The following GPC5 variants were observed in gnomAD, a reference collection of about 807,000 sequenced individuals.
The protein encoded by GPC5 is glypican-5.
A neutral mutation model predicts 53.9 loss-of-function variants in GPC5; 47 were observed. The observed-to-expected ratio is 0.87, with a 90% CI of 0.69 to 1.11. The LOEUF (loss-of-function observed/expected upper bound fraction) is 1.11, where lower values mean the gene tolerates loss of function less well. Among genes scored for constraint, GPC5 ranks in the 50% most tolerant of loss-of-function variants. The probability of loss-of-function intolerance (pLI) is 0.00; values close to 1 mark genes in which losing one functional copy is unlikely to be tolerated. For synonymous variants in GPC5, 286 were observed against 263.3 expected (o/e 1.09, Z -0.84); for missense variants, 748 against 713.1 (o/e 1.05, Z -0.56).
At chr13:91,771,800 A>G (rs1307836414) in intron 5 of GPC5, among the ~76,000 whole-genome samples, 1 of 152,240 alleles carries the variant, frequency 6.6e-6, no homozygotes, top group Non-Finnish European at 1.5e-5. Flanking sequence ...TTTACAAAAT[A>G]CAGAAAGATA....
chr13:91,545,732 C>A (rs2030247081), intron 2 of GPC5, among the ~76,000 whole-genome samples: 1 of 152,022 alleles, frequency 6.6e-6, no homozygotes. Flanking sequence ...TAGCAGCCAC[C>A]ATTCCACTGT....
chr13:92,168,385 A>G (rs1236556601), intron 7 of GPC5, among the ~76,000 whole-genome samples: 3 of 152,218 alleles, frequency 2.0e-5, no homozygotes, highest in African/African-American at 7.2e-5. Context: ...AGAAACTCTC[A>G]TCAGAGTGAA....
chr13:92,422,460 C>A (rs1441926847), intron 7 of GPC5, among the ~76,000 whole-genome samples: 1 of 148,924 alleles, frequency 6.7e-6, no homozygotes, highest in Non-Finnish European at 1.5e-5. Flanking sequence ...TTTATGAGAT[C>A]TTTCTGTAAG....
At chr13:91,811,346 T>A (rs1421749312) in intron 5 of GPC5, among the ~76,000 whole-genome samples, 1 of 152,080 alleles carries the variant, frequency 6.6e-6, no homozygotes, top group Non-Finnish European at 1.5e-5. Flanking sequence ...ATCTGTAAGG[T>A]GTTTCTCTAA....
intron 7 of GPC5, among the ~76,000 whole-genome samples, chr13:92,330,723 C>T (rs913363049): frequency 2.6e-5 from 4 of 152,142 alleles, no homozygotes; most frequent in East Asian, 1.9e-4. Context: ...CCAGACAGGA[C>T]GCTGAAGCTA....
chr13:92,595,404 C>T (rs912356470), intron 7 of GPC5, among the ~76,000 whole-genome samples: 7 of 152,098 alleles, frequency 4.6e-5, no homozygotes, highest in African/African-American at 7.2e-5. Flanking sequence ...ACAATGTTTG[C>T]AGTAAGAGTC....
At chr13:92,196,368 C>A (rs949355204) in intron 7 of GPC5, among the ~76,000 whole-genome samples, 10 of 151,998 alleles carry the variant, frequency 6.6e-5, no homozygotes, top group African/African-American at 2.4e-4. Context: ...ATAAAGATTT[C>A]TATGTACAAA....
intron 7 of GPC5, among the ~76,000 whole-genome samples, chr13:92,843,945 C>T (rs1475678319): frequency 1.3e-5 from 2 of 151,306 alleles, no homozygotes; most frequent in African/African-American, 4.9e-5. Flanking sequence ...TACCCAGCCA[C>T]CCTTTGCCCC....
chr13:92,751,048 AAT>A (rs1889374717), intron 7 of GPC5, among the ~76,000 whole-genome samples: 1 of 152,092 alleles, frequency 6.6e-6, no homozygotes, highest in South Asian at 2.1e-4. Context: ...TCTAGTGTAT[AAT>A]GAGGCACAAA....
At chr13:92,613,299 A>C (rs190766633) in intron 7 of GPC5, among the ~76,000 whole-genome samples, 1 of 114,724 alleles carries the variant, frequency 8.7e-6, no homozygotes, top group Non-Finnish European at 1.7e-5. Context: ...TATATATAAA[A>C]ATATATAATG....
intron 7 of GPC5, among the ~76,000 whole-genome samples, chr13:92,187,113 A>C (rs201929397): frequency 1.4e-5 from 1 of 69,774 alleles, no homozygotes; most frequent in African/African-American, 8.2e-5. Context: ...ACTCCATCTC[A>C]AAAAAAAAAA....
chr13:91,693,810 C>A lies in GPC5; in HGVS notation c.949C>A (p.Leu317Met). The change falls in exon 3 of 8, where the codon CTG becomes ATG. Residue 317 changes from leucine (L) to methionine (M), a missense_variant. Leu to Met is a conservative substitution (Grantham distance 15). Coordinates refer to ENST00000377067, the MANE Select transcript of GPC5 (RefSeq NM_004466.6). ...HGTYDIGHVL[L>M]NFHLLVNDAV... ...AACATACGACATTGGACACGTGCTGCTGAACTTTCACTTGCTTGTTAATGA... is the reference window on the plus strand; with the variant it reads ...AACATACGACATTGGACACGTGCTGATGAACTTTCACTTGCTTGTTAATGA... 6.2e-7 allele frequency: 1 copy of A among 1,613,504 alleles called. No individual in the cohort carries two copies. Among genetic ancestry groups the A allele is most frequent in the Non-Finnish European group, 8.5e-7 (1 of 1,179,962 alleles).
intron 7 of GPC5, among the ~76,000 whole-genome samples, chr13:92,609,077 A>G (rs1445493742): frequency 6.6e-6 from 1 of 152,036 alleles, no homozygotes; most frequent in Non-Finnish European, 1.5e-5. Flanking sequence ...TTAGCTATTT[A>G]CTCCTCTTTG....
chr13:92,632,109 A>G (rs1243421125), intron 7 of GPC5, among the ~76,000 whole-genome samples: 1 of 152,188 alleles, frequency 6.6e-6, no homozygotes, highest in African/African-American at 2.4e-5. Context: ...GAGAAAGAAT[A>G]AATATTTACA....
chr13:92,545,217 G>A (rs1157526354), intron 7 of GPC5, among the ~76,000 whole-genome samples: 1 of 152,052 alleles, frequency 6.6e-6, no homozygotes, highest in Non-Finnish European at 1.5e-5. Context: ...ATGGTTTCCA[G>A]CTTCATCCAT....
At position 92,758,226 on chromosome 13, in the gene GPC5, G is replaced by A. The variant is rs905226789; in HGVS notation, c.1562-108056G>A. ...AAATCATCATTCTCAGTAAACTATC[G>A]CAAGAACAAAAAACCAAACACCACA... On this transcript the variant is annotated intron_variant, in intron 7 of 7. Transcript: ENST00000377067. Among the ~76,000 whole-genome samples the A allele has an allele frequency of 1.6e-4, 23 of 141,278 alleles. No homozygotes were observed. The South Asian group carries it at 2.1e-3, about 13-fold the overall frequency. 92.7% of individuals were successfully genotyped at this position (141,278 alleles called of 152,430 possible). A position where few individuals can be genotyped will look rare whatever the true frequency, so the allele number is the denominator to read the frequency against.
chr13:92,602,249 T>TATATATATA (rs1221077844), intron 7 of GPC5, among the ~76,000 whole-genome samples: 1 of 141,044 alleles, frequency 7.1e-6, no homozygotes, highest in Non-Finnish European at 1.5e-5. Flanking sequence ...TATATATATA[T>TATATATATA]ATATATATAT....
intron 6 of GPC5, among the ~76,000 whole-genome samples, chr13:91,990,303 T>C (rs1401751075): frequency 6.6e-6 from 1 of 152,224 alleles, no homozygotes; most frequent in Admixed American, 6.5e-5. Flanking sequence ...ATCAGTGATC[T>C]GGGTTTGAAA....
intron 7 of GPC5, among the ~76,000 whole-genome samples, chr13:92,551,200 G>T (rs943427090): frequency 2.0e-5 from 3 of 148,918 alleles, no homozygotes; most frequent in African/African-American, 7.3e-5. Flanking sequence ...CACAGTGCAG[G>T]CCAATGTGTG....
Sources: gnomAD v4.1 joint callset for allele counts (sites outside exome capture counted in the v4.1 genomes callset) on GRCh38, gnomAD v4.1.1 for gene constraint, MANE v1.5 for transcripts, NCBI Gene and HGNC (gene_info 2026-07-23, HGNC 2026-07-21) for gene names.